The following SMARCA4 variants were observed in gnomAD, a reference collection of about 807,000 sequenced individuals.
SMARCA4 encodes the protein SWI/SNF related BAF chromatin remodeling complex subunit ATPase 4.
SMARCA4 carries 31 observed loss-of-function variants against 193.9 expected under a neutral mutation model. The ratio of observed to expected loss-of-function variants is 0.16; its 90% confidence interval spans 0.12 to 0.22. SMARCA4 has a LOEUF of 0.22. Among genes scored for constraint, SMARCA4 ranks in the 10% least tolerant of loss-of-function variants. The pLI, the probability that SMARCA4 is intolerant of heterozygous loss-of-function variation, is 1.00. For synonymous variants in SMARCA4, 942 were observed against 933.1 expected (o/e 1.01, Z -0.17); for missense variants, 1,148 against 2,296.0 (o/e 0.50, Z 10.22).
chr19:11,001,533 G>A (rs1266762578), intron 11 of SMARCA4, among the ~76,000 whole-genome samples: 1 of 152,202 alleles, frequency 6.6e-6, no homozygotes, highest in Non-Finnish European at 1.5e-5. Flanking sequence ...AATTTTGGGT[G>A]TAGGGGAGGC....
chr19:11,028,295 C>A (rs1363014070), intron 24 of SMARCA4, among the ~76,000 whole-genome samples: 1 of 152,208 alleles, frequency 6.6e-6, no homozygotes, highest in East Asian at 1.9e-4. Context: ...TAGCTCTAAC[C>A]CCAGGAGGTT....
intron 14 of SMARCA4, chr19:11,008,412 A>G (rs926516068): frequency 3.4e-5 from 12 of 350,992 alleles, no homozygotes; most frequent in Non-Finnish European, 6.8e-5. Context: ...TCATTTGCAT[A>G]CATATCTCCA....
chr19:11,061,877 T>G lies in SMARCA4; in HGVS notation c.*61T>G. On this transcript the variant is annotated 3_prime_UTR_variant, in exon 35 of 35. Transcript: ENST00000344626. Reference sequence around the variant, plus strand: ...TTCCAGAGCTGAGATGGCATAGGCCTTAGCAGTAACGGGTAGCAGCAGATG... The same window carrying G: ...TTCCAGAGCTGAGATGGCATAGGCCGTAGCAGTAACGGGTAGCAGCAGATG... The G allele has an allele frequency of 6.8e-7, 1 of 1,466,614 alleles. No individual in the cohort carries two copies. Among genetic ancestry groups the G allele is most frequent in the Non-Finnish European group, 9.6e-7 (1 of 1,045,558 alleles). The allele number at this position is 1,466,614 out of a possible 1,614,324, so 90.9% of individuals were successfully genotyped here.
chr19:11,053,654 A>T (rs531848552), intron 30 of SMARCA4, among the ~76,000 whole-genome samples: 1 of 152,072 alleles, frequency 6.6e-6, no homozygotes, highest in Non-Finnish European at 1.5e-5. Flanking sequence ...TCACACCTGT[A>T]ATTCCAGTGC....
At chr19:11,040,991 T>G in intron 29 of SMARCA4, 1 of 320,580 alleles carries the variant, frequency 3.1e-6, no homozygotes. Context: ...CACCTCCGGG[T>G]GAAGGGATTT....
At chr19:10,974,046 C>G (rs2084901971) in intron 1 of SMARCA4, among the ~76,000 whole-genome samples, 2 of 152,078 alleles carry the variant, frequency 1.3e-5, no homozygotes, top group Admixed American at 1.3e-4. Flanking sequence ...ACAAATTTCC[C>G]CAAGCCCCAA....
chr19:10,984,569 G>A lies in SMARCA4; in HGVS notation c.222+196G>A, dbSNP rs1042443139. Among the ~76,000 whole-genome samples the A allele has an allele frequency of 3.9e-5, 6 of 152,260 alleles. No homozygotes were observed. The highest frequency in any genetic ancestry group is 8.8e-5 in the Non-Finnish European group (6 of 68,044). On this transcript the variant is annotated intron_variant, in intron 2 of 34. Coordinates refer to ENST00000344626, the MANE Select transcript of SMARCA4 (RefSeq NM_003072.5). This position sits in a 1 kb window ranked among gnomAD's most constrained non-coding sequence, Gnocchi z 4.3. ...AGCTCGTCAGACCCCAGCCTGTGCT[G>A]GCGCATGATCTGGGCCCCGCGGGCA...
intron 21 of SMARCA4, among the ~76,000 whole-genome samples, chr19:11,025,090 C>G (rs1050093550): frequency 6.6e-6 from 1 of 151,982 alleles, no homozygotes; most frequent in Non-Finnish European, 1.5e-5. Flanking sequence ...CTAGGGACCC[C>G]CACAGTAACA....
rs558055332 is a variant in SMARCA4, at chr19:10,991,003, A to G, written c.1246-147A>G. The G allele has an allele frequency of 5.3e-6, 7 of 1,329,026 alleles. No individual in the cohort carries two copies. The African/African-American group carries it at 8.6e-5, about 16-fold the overall frequency. 82.3% of individuals were successfully genotyped at this position (1,329,026 alleles called of 1,614,324 possible). A position where few individuals can be genotyped will look rare whatever the true frequency, so the allele number is the denominator to read the frequency against. ...CTCGCCCTGCCCGGGGGCACCTGCT[A>G]GACGTCCCCTGCACACACGGACTGG... On this transcript the variant is annotated intron_variant, in intron 7 of 34. Transcript: ENST00000344626.
chr19:11,036,886 G>A (rs1258404771), intron 29 of SMARCA4, among the ~76,000 whole-genome samples: 2 of 152,210 alleles, frequency 1.3e-5, no homozygotes, highest in South Asian at 4.1e-4. Flanking sequence ...TGTCAGTGGA[G>A]TCCTACAGCG....
chr19:11,061,723 C>G, intron 34 of SMARCA4, 61 bp from the exon 35 acceptor site: 1 of 1,542,136 alleles, frequency 6.5e-7, no homozygotes, highest in South Asian at 1.1e-5. Flanking sequence ...TGGCAGGTCC[C>G]TGGCAAGGTG....
chr19:11,042,991 G>A (rs1477740798), intron 30 of SMARCA4, among the ~76,000 whole-genome samples: 1 of 151,838 alleles, frequency 6.6e-6, no homozygotes, highest in Non-Finnish European at 1.5e-5. Context: ...ACAAAATACT[G>A]CTTAAAAAGG....
rs2145772269 is a variant in SMARCA4 at position 10,986,222 on chromosome 19, C to G, written c.389C>G (p.Ala130Gly). The change falls in exon 4 of 35, where the codon GCC becomes GGC. Residue 130 changes from alanine (A) to glycine (G), a missense_variant. Transcript: ENST00000344626. This position sits in a 1 kb window ranked among gnomAD's most constrained non-coding sequence, Gnocchi z 6.7. Reference sequence around the variant, plus strand: ...TCGCCCCTGGGTGGCTCTGAGCATGCCTCTAGTCCAGTTCCAGCCAGTGGC... The same window carrying G: ...TCGCCCCTGGGTGGCTCTGAGCATGGCTCTAGTCCAGTTCCAGCCAGTGGC... ...YPSPLGGSEH[A>G]SSPVPASGPS... 1 of 1,613,936 alleles carries G rather than the reference C, an allele frequency of 6.2e-7. No homozygotes were observed.
rs967217961 is a variant in SMARCA4, at chr19:11,031,913, T to G, written c.3546+1020T>G. 1.3e-5 allele frequency: 2 copies of G among 152,384 alleles called. No individual in the cohort carries two copies. The highest frequency in any genetic ancestry group is 2.9e-5 in the Non-Finnish European group (2 of 68,058). 9.4% of individuals were successfully genotyped at this position (152,384 alleles called of 1,614,324 possible). ...TTTCACTCCTACGCTGGGGTGTGAA[T>G]GTACCCTGCCCTTCCCTGCAGCGTG... On this transcript the variant is annotated intron_variant, in intron 25 of 34. Transcript: ENST00000344626. The surrounding 1 kb of genome is among the most constrained non-coding windows in gnomAD (Gnocchi z 4.3).
rs866563668 is a variant in SMARCA4 at position 11,024,213 on chromosome 19, A to G, written c.2974-118A>G. 70 of 746,094 alleles carry G rather than the reference A, an allele frequency of 9.4e-5. No homozygotes were observed. In the Middle Eastern group the frequency reaches 1.8e-3, roughly 20 times the overall value. 46.2% of individuals were successfully genotyped at this position (746,094 alleles called of 1,614,324 possible). A position where few individuals can be genotyped will look rare whatever the true frequency, so the allele number is the denominator to read the frequency against. Reference sequence around the variant, plus strand: ...GTGAGGGTCTCCTCACCCACACCCCAGTGTGCTCTGGTCAGAGCTCATATG... The same window carrying G: ...GTGAGGGTCTCCTCACCCACACCCCGGTGTGCTCTGGTCAGAGCTCATATG... On this transcript the variant is annotated intron_variant, in intron 20 of 34. Transcript: ENST00000344626.
chr19:10,964,915 C>G (rs1284519397), intron 1 of SMARCA4, among the ~76,000 whole-genome samples: 2 of 152,192 alleles, frequency 1.3e-5, no homozygotes, highest in Non-Finnish European at 2.9e-5. Context: ...GCCACCGTGC[C>G]CAGCCAGTCT....
At position 10,963,504 on chromosome 19, in the gene SMARCA4, A is replaced by C. The variant is rs113569426; in HGVS notation, c.-32+2330A>C. On this transcript the variant is annotated intron_variant, in intron 1 of 34. Coordinates refer to ENST00000344626, the MANE Select transcript of SMARCA4 (RefSeq NM_003072.5). Reference sequence around the variant, plus strand: ...TGTTTCCTGAACCTCAGTTGTCCTCATCTCCCCTACAAAGTGTGGGGTGGT... The same window carrying C: ...TGTTTCCTGAACCTCAGTTGTCCTCCTCTCCCCTACAAAGTGTGGGGTGGT... Among the ~76,000 whole-genome samples the C allele has an allele frequency of 1.8e-3, 277 of 152,020 alleles. 1 individual carries two copies. Among genetic ancestry groups the C allele is most frequent in the Middle Eastern group, 6.9e-3 (2 of 290 alleles).
chr19:11,013,143 C>A (rs539460219), intron 16 of SMARCA4, 31 bp downstream of exon 16: 1 of 1,611,216 alleles, frequency 6.2e-7, no homozygotes, highest in African/African-American at 1.3e-5. Flanking sequence ...ACATCCCACA[C>A]GCCGCTCACA....
intron 30 of SMARCA4, among the ~76,000 whole-genome samples, chr19:11,050,429 G>A (rs1055920623): frequency 1.3e-5 from 2 of 152,360 alleles, no homozygotes; most frequent in Admixed American, 6.5e-5. Context: ...CAGCACAGGG[G>A]CCTGACTGAA....
Sources: allele counts gnomAD v4.1 joint callset (sites outside exome capture counted in the v4.1 genomes callset), GRCh38; gene constraint gnomAD v4.1.1; non-coding constraint Gnocchi (gnomAD v3.1); transcripts MANE v1.5; gene names NCBI Gene and HGNC (gene_info 2026-07-23, HGNC 2026-07-21).